Variants in FYN observed in about 807,000 individuals in gnomAD.
FYN encodes the protein FYN proto-oncogene, Src family tyrosine kinase, also known as tyrosine-protein kinase Fyn.
A neutral mutation model predicts 70.2 loss-of-function variants in FYN; 10 were observed. The ratio of observed to expected loss-of-function variants is 0.14; its 90% CI spans 0.09 to 0.24. The LOEUF (loss-of-function observed/expected upper bound fraction) is 0.24, where lower values mean the gene tolerates loss of function less well. Ranked by LOEUF, FYN falls within the 10% of genes least tolerant of loss-of-function variation. The probability of loss-of-function intolerance (pLI) is 1.00; values close to 1 mark genes in which losing one functional copy is unlikely to be tolerated. For missense variants in FYN, 319 were observed against 673.1 expected (o/e 0.47, Z 5.82); for synonymous variants, 236 against 248.6 (o/e 0.95, Z 0.48).
chr6:111,773,311 AAGAGGGGAGGGGG>A (rs1803523442), intron 3 of FYN, among the ~76,000 whole-genome samples: 1 of 96,934 alleles, frequency 1.0e-5, no homozygotes, highest in African/African-American at 4.0e-5. Flanking sequence ...GAGGGAGGGA[AAGAGGGGAGGGGG>A]AGGGAGAGGG....
At chr6:111,771,946 G>C (rs559072374) in intron 3 of FYN, among the ~76,000 whole-genome samples, 2 of 152,126 alleles carry the variant, frequency 1.3e-5, no homozygotes, top group East Asian at 3.9e-4. Context: ...GCAGGGATGG[G>C]GGGCATGGCC....
At chr6:111,767,617 G>T (rs1803281902) in intron 3 of FYN, among the ~76,000 whole-genome samples, 1 of 151,956 alleles carries the variant, frequency 6.6e-6, no homozygotes, top group Non-Finnish European at 1.5e-5. Context: ...AGCCAGGATG[G>T]TCTCGATCTC....
At chr6:111,728,234 AAGAATT>A (rs1228027281) in intron 3 of FYN, among the ~76,000 whole-genome samples, 1 of 152,228 alleles carries the variant, frequency 6.6e-6, no homozygotes, top group Non-Finnish European at 1.5e-5. Context: ...AGGTTTCAGA[AAGAATT>A]AGAGCACAGG....
intron 13 of FYN, among the ~76,000 whole-genome samples, chr6:111,667,384 G>A (rs1798058546): frequency 6.6e-6 from 1 of 151,898 alleles, no homozygotes; most frequent in African/African-American, 2.4e-5. Context: ...TAGGACTATA[G>A]GTATGCACCA....
At chr6:111,870,503 C>A (rs1774239982) in intron 1 of FYN, among the ~76,000 whole-genome samples, 1 of 152,222 alleles carries the variant, frequency 6.6e-6, no homozygotes, top group Admixed American at 6.5e-5. Flanking sequence ...AAAGACCTAA[C>A]TCACATTTGT....
chr6:111,733,912 A>G (rs1801581412), intron 3 of FYN, among the ~76,000 whole-genome samples: 1 of 151,742 alleles, frequency 6.6e-6, no homozygotes. Flanking sequence ...ACATGGAGAA[A>G]CCCCATCTCT....
chr6:111,752,913 G>A (rs1450448743), intron 3 of FYN, among the ~76,000 whole-genome samples: 1 of 152,164 alleles, frequency 6.6e-6, no homozygotes, highest in Non-Finnish European at 1.5e-5. Flanking sequence ...CTGGTGGAAT[G>A]GAACTGGGCA....
chr6:111,726,961 G>A (rs569558399), intron 3 of FYN, among the ~76,000 whole-genome samples: 2 of 152,304 alleles, frequency 1.3e-5, no homozygotes, highest in Admixed American at 1.3e-4. Flanking sequence ...TTTGCCTTCT[G>A]CCATAATTGT....
intron 4 of FYN, among the ~76,000 whole-genome samples, chr6:111,715,245 CTT>C (rs11405453): frequency 1.4e-5 from 2 of 147,108 alleles, no homozygotes; most frequent in African/African-American, 2.5e-5. Context: ...AGGCATAATT[CTT>C]TTTTTTTTTT....
chr6:111,690,827 G>A (rs1287954314), intron 12 of FYN, among the ~76,000 whole-genome samples: 1 of 152,158 alleles, frequency 6.6e-6, no homozygotes, highest in Admixed American at 6.5e-5. Flanking sequence ...TGGTAGCGCT[G>A]GATTTCAAAA....
At chr6:111,847,590 G>A (rs1440281591) in intron 1 of FYN, among the ~76,000 whole-genome samples, 5 of 152,016 alleles carry the variant, frequency 3.3e-5, no homozygotes, top group African/African-American at 9.7e-5. Flanking sequence ...GTGACTCTTA[G>A]TATCTTTCTT....
rs191916352 is a variant in FYN at position 111,763,124 on chromosome 6, C to A, written c.-12+17442G>T. ...GGAAATATTTAAATCTACCTATGAC[C>A]TAGAAGTCACCCCCTCCTTCACCTC... On this transcript the variant is annotated intron_variant, in intron 3 of 13. Transcript: ENST00000354650. 4.6e-5 allele frequency among the ~76,000 whole-genome samples: 7 copies of A among 152,312 alleles called. No homozygotes were observed. In the East Asian group the frequency reaches 1.3e-3, roughly 29 times the overall value.
chr6:111,723,087 C>A (rs554855665), intron 3 of FYN, among the ~76,000 whole-genome samples: 1 of 152,266 alleles, frequency 6.6e-6, no homozygotes, highest in Non-Finnish European at 1.5e-5. Context: ...ACCACTCTTC[C>A]AACTCCAGCA....
intron 12 of FYN, among the ~76,000 whole-genome samples, chr6:111,689,410 G>C (rs998454479): frequency 4.6e-5 from 7 of 152,204 alleles, no homozygotes; most frequent in Non-Finnish European, 8.8e-5. Flanking sequence ...GGCAGTAACT[G>C]CAATTGCTAA....
At chr6:111,840,667 A>G (rs1244614602) in intron 2 of FYN, among the ~76,000 whole-genome samples, 1 of 152,236 alleles carries the variant, frequency 6.6e-6, no homozygotes, top group African/African-American at 2.4e-5. Context: ...ATAACCTTTT[A>G]AAGGAAAAGC....
At chr6:111,750,093 T>G (rs1233602695) in intron 3 of FYN, among the ~76,000 whole-genome samples, 1 of 152,232 alleles carries the variant, frequency 6.6e-6, no homozygotes, top group African/African-American at 2.4e-5. Context: ...CCTGCCTTTA[T>G]GTACTTGGCT....
chr6:111,784,069 C>T (rs1021025999), intron 2 of FYN, among the ~76,000 whole-genome samples: 1 of 152,178 alleles, frequency 6.6e-6, no homozygotes, highest in Admixed American at 6.5e-5. Flanking sequence ...GGAGCTTCTA[C>T]TCACTCCTTT....
chr6:111,696,690 T>A (rs1388760148), intron 9 of FYN: 2 of 383,720 alleles, frequency 5.2e-6, no homozygotes, highest in South Asian at 4.7e-5. Flanking sequence ...CTCATTAAAA[T>A]TTTTTTAAAT....
At chr6:111,815,712 C>CTTTTTTTTTTTT (rs11320954) in intron 2 of FYN, among the ~76,000 whole-genome samples, 4 of 140,486 alleles carry the variant, frequency 2.8e-5, no homozygotes, top group South Asian at 2.2e-4. Context: ...CTGAGTACTT[C>CTTTTTTTTTTTT]TTTTTTTTTT....
Sources: allele counts gnomAD v4.1 joint callset (sites outside exome capture counted in the v4.1 genomes callset), GRCh38; gene constraint gnomAD v4.1.1; transcripts MANE v1.5; gene names NCBI Gene and HGNC (gene_info 2026-07-23, HGNC 2026-07-21).